Variants in TEAD4 observed in about 807,000 individuals in gnomAD.
The protein encoded by TEAD4 is transcriptional enhancer factor TEF-3.
TEAD4 carries 36 observed loss-of-function variants against 52.4 expected under a neutral mutation model. That is an observed-to-expected ratio of 0.69 (90% CI 0.53 to 0.91). The LOEUF is 0.91. TEAD4 is among the 40% of genes least tolerant of loss of function. The pLI is 0.00. For missense variants in TEAD4, 508 were observed against 583.9 expected (o/e 0.87, Z 1.34); for synonymous variants, 220 against 231.0 (o/e 0.95, Z 0.43).
At chr12:3,021,572 A>G (rs182627054) in intron 9 of TEAD4, among the ~76,000 whole-genome samples, 105 of 152,224 alleles carry the variant, frequency 6.9e-4, no homozygotes, top group African/African-American at 2.4e-3. Context: ...CGGCCTCCCA[A>G]AGTGCTGGGA....
At position 3,040,599 on chromosome 12, in the gene TEAD4, C is replaced by A; in HGVS notation, c.*121C>A. 1 of 857,348 alleles carries A rather than the reference C, an allele frequency of 1.2e-6. No homozygotes were observed. The highest frequency in any genetic ancestry group is 1.9e-6 in the Non-Finnish European group (1 of 535,856). The allele number at this position is 857,348 out of a possible 1,614,324, so 53.1% of individuals were successfully genotyped here. A position where few individuals can be genotyped will look rare whatever the true frequency, so the allele number is the denominator to read the frequency against. On this transcript the variant is annotated 3_prime_UTR_variant, in exon 13 of 13. Transcript: ENST00000359864. Reference sequence around the variant, plus strand: ...AGAGCTGAGAGGAGCAGTTGTGACTCTACCCAGGAACAAACTGTGCCTGAA... The same window carrying A: ...AGAGCTGAGAGGAGCAGTTGTGACTATACCCAGGAACAAACTGTGCCTGAA...
chr12:3,021,702 C>A (rs1240479553), intron 9 of TEAD4, 142 bp from the exon 10 acceptor site: 2 of 749,114 alleles, frequency 2.7e-6, no homozygotes, highest in Non-Finnish European at 2.1e-6. Context: ...CTTTTACCAT[C>A]TCTATTTTAC....
At chr12:2,999,436 C>A (rs541237896) in intron 3 of TEAD4, among the ~76,000 whole-genome samples, 49 of 152,316 alleles carry the variant, frequency 3.2e-4, no homozygotes, top group South Asian at 1.7e-3. Context: ...AGGCCTGCTC[C>A]GAGCTCCGCC....
At chr12:3,025,585 G>A (rs2098271600) in intron 10 of TEAD4, among the ~76,000 whole-genome samples, 1 of 151,650 alleles carries the variant, frequency 6.6e-6, no homozygotes, top group African/African-American at 2.4e-5. Context: ...TGCCTAGGCT[G>A]GAGTGCAGTG....
chr12:3,038,565 C>T (rs1205444128), intron 11 of TEAD4, among the ~76,000 whole-genome samples: 1 of 152,190 alleles, frequency 6.6e-6, no homozygotes, highest in Admixed American at 6.5e-5. Context: ...CTGTTCCTTC[C>T]CTGATTTTCT....
intron 2 of TEAD4, among the ~76,000 whole-genome samples, chr12:2,984,740 G>T (rs946840689): frequency 2.0e-5 from 3 of 152,160 alleles, no homozygotes; most frequent in Non-Finnish European, 4.4e-5. Flanking sequence ...GTAACTCTAA[G>T]TGTTAGTATT....
chr12:2,961,603 C>G (rs1005803429), intron 2 of TEAD4, among the ~76,000 whole-genome samples: 3 of 152,066 alleles, frequency 2.0e-5, no homozygotes, highest in African/African-American at 7.2e-5. Context: ...CTTTAAGGCT[C>G]TCAGGCTGTT....
chr12:3,024,292 G>C (rs1295131935), intron 10 of TEAD4, among the ~76,000 whole-genome samples: 1 of 152,082 alleles, frequency 6.6e-6, no homozygotes, highest in Non-Finnish European at 1.5e-5. Flanking sequence ...TAGCCAGGAT[G>C]GTCTCGATCT....
At chr12:3,020,905 GC>G in intron 9 of TEAD4, 132 bp downstream of exon 9, 1 of 1,007,430 alleles carries the variant, frequency 9.9e-7, no homozygotes, top group Non-Finnish European at 1.3e-6. Context: ...CTTCCCTTCT[GC>G]CCTTCCCCCC....
intron 2 of TEAD4, among the ~76,000 whole-genome samples, chr12:2,968,305 C>T (rs975462085): frequency 8.0e-5 from 12 of 149,772 alleles, no homozygotes; most frequent in African/African-American, 2.9e-4. Flanking sequence ...AGGCTGGTCT[C>T]GAACTCCCGA....
At chr12:2,980,888 G>C (rs189998418) in intron 2 of TEAD4, among the ~76,000 whole-genome samples, 2 of 152,320 alleles carry the variant, frequency 1.3e-5, no homozygotes, top group East Asian at 3.9e-4. Flanking sequence ...GCAGCATCAT[G>C]ATGGGCAGGA....
intron 11 of TEAD4, among the ~76,000 whole-genome samples, chr12:3,038,481 C>A (rs2098280738): frequency 1.3e-5 from 2 of 152,234 alleles, no homozygotes; most frequent in Non-Finnish European, 1.5e-5. Context: ...CACATGGTCA[C>A]ACAGCTCATT....
At chr12:2,985,916 T>A (rs1045044225) in intron 2 of TEAD4, among the ~76,000 whole-genome samples, 2 of 151,684 alleles carry the variant, frequency 1.3e-5, no homozygotes, top group Admixed American at 1.3e-4. Context: ...AAACCCTGTC[T>A]CTACTAAAAA....
chr12:2,995,653 C>G (rs1312659910), intron 3 of TEAD4, among the ~76,000 whole-genome samples: 1 of 152,056 alleles, frequency 6.6e-6, no homozygotes, highest in African/African-American at 2.4e-5. Flanking sequence ...TGGGAAGGAC[C>G]AAGCAGTTGG....
chr12:3,023,780 G>A (rs577401731), intron 10 of TEAD4, among the ~76,000 whole-genome samples: 76 of 125,496 alleles, frequency 6.1e-4, no homozygotes, highest in African/African-American at 1.8e-3. Context: ...GCAACAGAGC[G>A]AGACTGTCTC....
At chr12:2,979,392 G>A (rs1399245507) in intron 2 of TEAD4, among the ~76,000 whole-genome samples, 3 of 152,226 alleles carry the variant, frequency 2.0e-5, no homozygotes, top group African/African-American at 7.2e-5. Flanking sequence ...GGGACCACTT[G>A]AGGCAGCAAA....
In TEAD4 at chr12:2,995,123, T is replaced by C. The variant is rs551719892; in HGVS notation, c.226+131T>C. The C allele has an allele frequency of 7.9e-5, 95 of 1,205,762 alleles. No homozygotes were observed. In the Middle Eastern group the frequency reaches 8.9e-4, roughly 11 times the overall value. The allele number at this position is 1,205,762 out of a possible 1,614,324, so 74.7% of individuals were successfully genotyped here. ...GCTTTGTCGGGTGGACACTGCTTTCTTCCCTCCTGGGCTCCCAAGGGATGG... is the reference window on the plus strand; with the variant it reads ...GCTTTGTCGGGTGGACACTGCTTTCCTCCCTCCTGGGCTCCCAAGGGATGG... On this transcript the variant is annotated intron_variant, in intron 3 of 12. Transcript: ENST00000359864.
intron 3 of TEAD4, among the ~76,000 whole-genome samples, chr12:3,001,276 A>G (rs1044959287): frequency 2.0e-5 from 3 of 152,222 alleles, no homozygotes; most frequent in Non-Finnish European, 4.4e-5. Context: ...AGCCATTTTT[A>G]TGTGTACAGG....
At chr12:2,989,079 C>T (rs1223464713) in intron 2 of TEAD4, among the ~76,000 whole-genome samples, 1 of 152,088 alleles carries the variant, frequency 6.6e-6, no homozygotes, top group African/African-American at 2.4e-5. Context: ...GGGTCAGAAG[C>T]ACAGGTAAAA....
Sources: gnomAD v4.1 joint callset for allele counts (sites outside exome capture counted in the v4.1 genomes callset) on GRCh38, gnomAD v4.1.1 for gene constraint, MANE v1.5 for transcripts, NCBI Gene and HGNC (gene_info 2026-07-23, HGNC 2026-07-21) for gene names.